The following KSR1 variants were observed in gnomAD, a reference collection of about 807,000 sequenced individuals.
KSR1 encodes the protein kinase suppressor of ras.
A neutral mutation model predicts 92.9 loss-of-function variants in KSR1; 35 were observed. That is an observed-to-expected ratio of 0.38 (90% CI 0.29 to 0.50). The LOEUF is 0.50. KSR1 is among the 20% of genes least tolerant of loss of function. KSR1 has a pLI of 0.94. For synonymous variants in KSR1, 467 were observed against 472.6 expected, an observed-to-expected ratio of 0.99 and a Z score of 0.15; for missense variants, 972 against 1,158.5, an observed-to-expected ratio of 0.84 and a Z score of 2.34.
At chr17:27,614,025 C>T (rs1485242765) in intron 18 of KSR1, among the ~76,000 whole-genome samples, 1 of 152,260 alleles carries the variant, frequency 6.6e-6, no homozygotes, top group African/African-American at 2.4e-5. Context: ...TGGTCTCAAA[C>T]TCCTGGCCTC....
chr17:27,579,717 A>T (rs1213208597), intron 3 of KSR1: 1 of 151,718 alleles, frequency 6.6e-6, no homozygotes. Context: ...TTCTACAAAA[A>T]ATACAAAAAT....
chr17:27,490,148 A>G (rs1461591531), intron 1 of KSR1, among the ~76,000 whole-genome samples: 1 of 152,218 alleles, frequency 6.6e-6, no homozygotes, highest in Non-Finnish European at 1.5e-5. Context: ...TTACAGAAAT[A>G]ACTTCTAAGT....
At chr17:27,492,605 C>G (rs34832888) in intron 1 of KSR1, among the ~76,000 whole-genome samples, 1 of 152,134 alleles carries the variant, frequency 6.6e-6, no homozygotes, top group Non-Finnish European at 1.5e-5. Context: ...TTCCACAGCT[C>G]TAGAATGTTC....
rs945392680 is a variant in KSR1, at chr17:27,550,675, G to A, written c.339G>A (p.Leu113=). Residue 113 remains leucine, a synonymous_variant, in exon 2 of 21, where the codon CTG becomes CTA. Transcript: ENST00000644974. ...LNSYPRFSDW[L]YTFNVRPEVV... ...GCTACCCCCGCTTCAGCGACTGGCTGTACACTTTCAACGTGAGGCCGGAGG... is the reference window on the plus strand; with the variant it reads ...GCTACCCCCGCTTCAGCGACTGGCTATACACTTTCAACGTGAGGCCGGAGG... The A allele has an allele frequency of 3.9e-6, 3 of 763,736 alleles. No individual in the cohort carries two copies. The highest frequency in any genetic ancestry group is 4.8e-6 in the Non-Finnish European group (2 of 417,878). The allele number at this position is 763,736 out of a possible 1,614,324, so 47.3% of individuals were successfully genotyped here.
chr17:27,582,777 G>A lies in KSR1; in HGVS notation c.652G>A (p.Ala218Thr). ...WPPGSSQLGR[A>T]GNSAQGPRSI... Reference sequence around the variant, plus strand: ...CCCAGGGAGCTCCCAGCTGGGCAGAGCAGGCAACAGCGCCCAGGGCCCACG... The same window carrying A: ...CCCAGGGAGCTCCCAGCTGGGCAGAACAGGCAACAGCGCCCAGGGCCCACG... The change falls in exon 4 of 21, where the codon GCA becomes ACA. Residue 218 changes from alanine to threonine, a missense_variant. By Grantham distance (58) the Ala-to-Thr change is moderately conservative. Around this residue, in one of 5 missense-constraint regions of KSR1, gnomAD observed 611 missense variants for 668.0 expected, o/e 0.91. Coordinates refer to ENST00000644974, the MANE Select transcript of KSR1 (RefSeq NM_001394583.1). The A allele has an allele frequency of 1.9e-6, 3 of 1,613,756 alleles. No homozygotes were observed. Among genetic ancestry groups the A allele is most frequent in the East Asian group, 2.2e-5 (1 of 44,876 alleles).
At chr17:27,511,778 C>T (rs1273261110) in intron 1 of KSR1, among the ~76,000 whole-genome samples, 2 of 152,246 alleles carry the variant, frequency 1.3e-5, no homozygotes, top group Non-Finnish European at 2.9e-5. Context: ...GACTCCTCTG[C>T]ATCCCGTCTC....
chr17:27,457,854 C>T (rs2019252634), intron 1 of KSR1, among the ~76,000 whole-genome samples: 1 of 152,156 alleles, frequency 6.6e-6, no homozygotes, highest in Non-Finnish European at 1.5e-5. Context: ...TGGCCTCCTG[C>T]AGGTCTGGGG....
chr17:27,582,896 C>A lies in KSR1; in HGVS notation c.771C>A (p.Ser257Arg). 1 of 1,612,608 alleles carries A rather than the reference C, an allele frequency of 6.2e-7. No individual in the cohort carries two copies. Among genetic ancestry groups the A allele is most frequent in the Non-Finnish European group, 8.5e-7 (1 of 1,179,340 alleles). ...LSDTCIPLHA[S>R]GRLTPRALHS... ...ACACCTGTATTCCCCTGCACGCCAG[C>A]GGCCGGCTGACCCCCCGTGCCCTGC... Residue 257 changes from serine to arginine, a missense_variant, in exon 4 of 21, where the codon AGC becomes AGA. Coordinates refer to ENST00000644974, the MANE Select transcript of KSR1 (RefSeq NM_001394583.1).
rs1401411326 is a variant in KSR1 at position 27,585,676 on chromosome 17, T to C, written c.985+15T>C. On this transcript the variant is annotated intron_variant, in intron 5 of 20. Transcript: ENST00000644974. ...CTCCAGGTTTGGTAAGAGAGATTCA[T>C]TTCCATCCCCTCTACCACCTGGGAG... The C allele has an allele frequency of 2.6e-6, 2 of 764,028 alleles. No individual in the cohort carries two copies. Among genetic ancestry groups the C allele is most frequent in the Non-Finnish European group, 4.9e-6 (2 of 409,858 alleles). 47.3% of individuals were successfully genotyped at this position (764,028 alleles called of 1,614,324 possible).
intron 1 of KSR1, among the ~76,000 whole-genome samples, chr17:27,495,031 G>A (rs992589809): frequency 2.0e-5 from 3 of 152,274 alleles, no homozygotes; most frequent in Admixed American, 6.5e-5. Context: ...CTGGTAAGCC[G>A]GGCGGCTGGG....
intron 2 of KSR1, among the ~76,000 whole-genome samples, chr17:27,565,612 A>G (rs1221780297): frequency 6.6e-6 from 1 of 152,122 alleles, no homozygotes; most frequent in Non-Finnish European, 1.5e-5. Flanking sequence ...TTTGGTAGAG[A>G]CAGGCTTTTG....
intron 19 of KSR1, among the ~76,000 whole-genome samples, chr17:27,620,413 A>G (rs1296698568): frequency 6.6e-6 from 1 of 152,228 alleles, no homozygotes; most frequent in Non-Finnish European, 1.5e-5. Context: ...ACCTGCACAC[A>G]TCAGGACTCT....
At chr17:27,571,684 G>A (rs2072313732) in intron 2 of KSR1, among the ~76,000 whole-genome samples, 1 of 152,258 alleles carries the variant, frequency 6.6e-6, no homozygotes, top group Non-Finnish European at 1.5e-5. Flanking sequence ...ACTGCCTGAG[G>A]CATGTTCTAG....
At chr17:27,601,984 T>G (rs1008155838) in intron 11 of KSR1, 28 of 1,550,938 alleles carry the variant, frequency 1.8e-5, no homozygotes, top group Non-Finnish European at 2.5e-5. Flanking sequence ...GAGTCCCTTC[T>G]GCAAAAGTTG....
chr17:27,517,423 C>G (rs569793600), intron 1 of KSR1, among the ~76,000 whole-genome samples: 5 of 152,164 alleles, frequency 3.3e-5, no homozygotes, highest in Admixed American at 6.5e-5. Context: ...ACATCCACCC[C>G]CTGGGCTCAA....
Position 27,582,685 on chromosome 17 carries a change from A to G in KSR1, c.560A>G (p.Asp187Gly). 6.2e-7 allele frequency: 1 copy of G among 1,613,116 alleles called. No homozygotes were observed. Among genetic ancestry groups the G allele is most frequent in the Non-Finnish European group, 8.5e-7 (1 of 1,179,424 alleles). ...GAGGACTCCAGTTGGAGTTCATTGG[A>G]TGCGCGGCGGGAAAGTGGCTCAGGG... The part of the protein sequence containing the change: ...HKEDSSWSSL[D>G]ARRESGSGPS... Residue 187 changes from aspartate to glycine, a missense_variant, in exon 4 of 21, where the codon GAT becomes GGT. Physicochemically the swap from Asp to Gly is moderately conservative, Grantham distance 94. Transcript: ENST00000644974.
intron 1 of KSR1, among the ~76,000 whole-genome samples, chr17:27,537,243 C>T (rs1263066666): frequency 1.3e-5 from 2 of 152,194 alleles, no homozygotes; most frequent in African/African-American, 4.8e-5. Flanking sequence ...TCCATATCTC[C>T]AGCTCGTGGC....
At chr17:27,610,732 A>AT (rs1230449296) in intron 17 of KSR1, among the ~76,000 whole-genome samples, 4 of 152,238 alleles carry the variant, frequency 2.6e-5, no homozygotes, top group African/African-American at 9.6e-5. Flanking sequence ...GATATATTTT[A>AT]TTTAACTCAA....
chr17:27,488,170 T>C (rs1179329717), intron 1 of KSR1, among the ~76,000 whole-genome samples: 2 of 152,232 alleles, frequency 1.3e-5, no homozygotes, highest in African/African-American at 2.4e-5. Context: ...TTGTGAAATA[T>C]CATACATTCA....
Sources: gnomAD v4.1 joint callset for allele counts (sites outside exome capture counted in the v4.1 genomes callset) on GRCh38, gnomAD v4.1.1 for gene constraint, gnomAD v4.1.1 regional missense constraint, MANE v1.5 for transcripts, NCBI Gene and HGNC (gene_info 2026-07-23, HGNC 2026-07-21) for gene names.